The following CDH13 variants were observed in gnomAD, a reference collection of about 807,000 sequenced individuals.
CDH13 encodes the protein cadherin-13.
In CDH13, 24 loss-of-function variants were observed where a neutral mutation model predicts 63.8. That is an observed-to-expected ratio of 0.38 (90% confidence interval 0.27 to 0.53). CDH13 has a LOEUF of 0.53. CDH13 is among the 20% of genes least tolerant of loss of function. CDH13 has a pLI of 0.85. For synonymous variants in CDH13, 503 were observed against 355.3 expected (o/e 1.42, Z -4.67); for missense variants, 1,049 against 903.1 (o/e 1.16, Z -2.07).
intron 7 of CDH13, among the ~76,000 whole-genome samples, chr16:83,510,023 C>T (rs114110407): frequency 6.6e-6 from 1 of 152,128 alleles, no homozygotes; most frequent in African/African-American, 2.4e-5. Flanking sequence ...TGGACTTTTT[C>T]AGAAGTGTTT....
intron 3 of CDH13, among the ~76,000 whole-genome samples, chr16:83,076,759 G>A (rs190327137): frequency 2.0e-5 from 3 of 152,100 alleles, no homozygotes; most frequent in Admixed American, 2.0e-4. Flanking sequence ...TTGTTAATTA[G>A]AATTCAATAT....
chr16:83,060,084 G>A (rs1030297082), intron 3 of CDH13, among the ~76,000 whole-genome samples: 3 of 152,022 alleles, frequency 2.0e-5, no homozygotes, highest in Admixed American at 1.3e-4. Flanking sequence ...GTGAGCCACC[G>A]CACCCGGCCT....
chr16:82,948,578 G>T, intron 2 of CDH13, among the ~76,000 whole-genome samples: 1 of 152,136 alleles, frequency 6.6e-6, no homozygotes, highest in Non-Finnish European at 1.5e-5. Flanking sequence ...AGTGAAGGAA[G>T]AGTTCTTCAA....
At chr16:82,707,463 G>C (rs1228830674) in intron 1 of CDH13, among the ~76,000 whole-genome samples, 1 of 152,240 alleles carries the variant, frequency 6.6e-6, no homozygotes, top group African/African-American at 2.4e-5. Context: ...GGCACGGAGA[G>C]ATGATAGGGT....
chr16:82,705,990 A>T (rs1420343531), intron 1 of CDH13, among the ~76,000 whole-genome samples: 1 of 151,312 alleles, frequency 6.6e-6, no homozygotes, highest in Non-Finnish European at 1.5e-5. Flanking sequence ...CAGGTTATCT[A>T]CCCTTCCCCC....
chr16:83,008,851 G>T (rs1036879576), intron 2 of CDH13, among the ~76,000 whole-genome samples: 1 of 152,190 alleles, frequency 6.6e-6, no homozygotes, highest in Non-Finnish European at 1.5e-5. Context: ...GAAGAAAGAG[G>T]TTTCATTGAC....
intron 5 of CDH13, among the ~76,000 whole-genome samples, chr16:83,341,878 T>C (rs1005100737): frequency 1.3e-5 from 2 of 152,132 alleles, no homozygotes; most frequent in Admixed American, 6.6e-5. Flanking sequence ...TCATTTTCCA[T>C]GTGTTTTGTA....
chr16:83,427,067 C>T (rs764442161), intron 6 of CDH13, among the ~76,000 whole-genome samples: 1 of 151,608 alleles, frequency 6.6e-6, no homozygotes, highest in Non-Finnish European at 1.5e-5. Context: ...GCTGGTACTA[C>T]AGGCGCCCGC....
At chr16:82,637,631 T>C (rs867931152) in intron 1 of CDH13, 2 of 144,114 alleles carry the variant, frequency 1.4e-5, no homozygotes, top group Non-Finnish European at 3.0e-5. Flanking sequence ...TAGAGACGGG[T>C]TTTCACCGTG....
At chr16:83,274,506 C>G (rs941545767) in intron 5 of CDH13, among the ~76,000 whole-genome samples, 5 of 152,100 alleles carry the variant, frequency 3.3e-5, no homozygotes, top group Non-Finnish European at 4.4e-5. Flanking sequence ...TTGAACTTAC[C>G]TTTGTGAGGT....
chr16:83,352,330 C>A (rs1458206009), intron 6 of CDH13, among the ~76,000 whole-genome samples: 1 of 152,198 alleles, frequency 6.6e-6, no homozygotes, highest in Non-Finnish European at 1.5e-5. Context: ...TCCACCTAGT[C>A]GTTCAAGAGG....
chr16:83,613,792 C>G (rs924656082), intron 8 of CDH13, among the ~76,000 whole-genome samples: 1 of 152,090 alleles, frequency 6.6e-6, no homozygotes, highest in Non-Finnish European at 1.5e-5. Flanking sequence ...GAGATCATGC[C>G]ACCGCACTCC....
chr16:82,862,843 G>T (rs1253278452), intron 2 of CDH13, among the ~76,000 whole-genome samples: 3 of 152,188 alleles, frequency 2.0e-5, no homozygotes, highest in Non-Finnish European at 4.4e-5. Flanking sequence ...CCCAGTGGTT[G>T]CCCTCCATGC....
intron 2 of CDH13, among the ~76,000 whole-genome samples, chr16:82,870,920 A>G (rs983778532): frequency 6.6e-6 from 1 of 151,104 alleles, no homozygotes; most frequent in African/African-American, 2.5e-5. Flanking sequence ...GCCCTCCAAT[A>G]TTTATCTTTC....
intron 5 of CDH13, among the ~76,000 whole-genome samples, chr16:83,325,471 A>C (rs2090339237): frequency 6.6e-6 from 1 of 152,220 alleles, no homozygotes; most frequent in Non-Finnish European, 1.5e-5. Flanking sequence ...GCCAGATAAC[A>C]GGTACTTTAG....
chr16:83,373,815 TGAAG>T (rs894783276), intron 6 of CDH13, among the ~76,000 whole-genome samples: 2 of 152,112 alleles, frequency 1.3e-5, no homozygotes, highest in Non-Finnish European at 2.9e-5. Flanking sequence ...ACCTGAGGAA[TGAAG>T]GAAGAGTCAC....
intron 1 of CDH13, among the ~76,000 whole-genome samples, chr16:82,805,802 A>G (rs2037111402): frequency 6.6e-6 from 1 of 152,166 alleles, no homozygotes; most frequent in Admixed American, 6.5e-5. Flanking sequence ...GGTGTGCTAT[A>G]CCATATCAGA....
chr16:82,980,808 A>G (rs531843481), intron 2 of CDH13, among the ~76,000 whole-genome samples: 2 of 152,286 alleles, frequency 1.3e-5, no homozygotes, highest in East Asian at 3.9e-4. Context: ...CAGTCAAGAA[A>G]ATATCTGTTT....
chr16:83,256,207 A>C (rs2151830669), intron 5 of CDH13, among the ~76,000 whole-genome samples: 1 of 152,054 alleles, frequency 6.6e-6, no homozygotes, highest in South Asian at 2.1e-4. Flanking sequence ...CTACTGTTGT[A>C]CTTTTTGTAG....
Sources: allele counts gnomAD v4.1 joint callset (sites outside exome capture counted in the v4.1 genomes callset), GRCh38; gene constraint gnomAD v4.1.1; transcripts MANE v1.5; gene names NCBI Gene and HGNC (gene_info 2026-07-23, HGNC 2026-07-21).